JAK3: variants seen among roughly 807,000 people sequenced by gnomAD.
JAK3 encodes tyrosine-protein kinase JAK3.
In JAK3, 88 loss-of-function variants were observed where a neutral mutation model predicts 120.8. That is an observed-to-expected ratio of 0.73 (90% CI 0.61 to 0.87). JAK3 has a LOEUF of 0.87. Among genes scored for constraint, JAK3 ranks in the 40% least tolerant of loss-of-function variants. The probability of loss-of-function intolerance (pLI) is 0.00; values close to 1 mark genes in which losing one functional copy is unlikely to be tolerated. For synonymous variants in JAK3, 592 were observed against 628.6 expected (o/e 0.94, Z 0.87); for missense variants, 1,254 against 1,501.4 (o/e 0.84, Z 2.72).
chr19:17,827,717 TAAAAAAAAAAAAAAAAA>T (rs760856974), intron 23 of JAK3, among the ~76,000 whole-genome samples: 1,175 of 77,584 alleles, frequency 0.015, 16 homozygotes, highest in South Asian at 0.024. Flanking sequence ...CCATCTTAAC[TAAAAAAAAAAAAAAAAA>T]AAAAAAAAAA....
chr19:17,844,304 G>T lies in JAK3; in HGVS notation c.114C>A (p.Pro38=), dbSNP rs1448668382. The T allele has an allele frequency of 4.4e-6, 7 of 1,607,858 alleles. No homozygotes were observed. Among genetic ancestry groups the T allele is most frequent in the Admixed American group, 3.4e-5 (2 of 59,242 alleles). ...VLLPARGPGP[P]QRLSFSFGDH... The stretch of plus-strand genomic sequence containing the variant: ...CCCCAAAGGAGAAAGATAGGCGCTG[G>T]GGGGGCCCGGGGCCCCGAGCGGGCA... Residue 38 remains proline (P), a synonymous_variant, in exon 2 of 24, where the codon CCC becomes CCA. Transcript: ENST00000458235.
chr19:17,842,325 T>C lies in JAK3; in HGVS notation c.852A>G (p.Gly284=), dbSNP rs769814949. ...GGGAGTCCGCCCTCACCTCCTGTTC[T>C]CCCTGGGTCCAGGCGATGCCGCCGT... is the stretch of plus-strand genomic sequence containing the variant. ...AGDGGIAWTQ[G]EQEVLQPFCD... Residue 284 remains glycine, a synonymous_variant, in exon 6 of 24, where the codon GGA becomes GGG. Transcript: ENST00000458235. This position sits in a 1 kb window ranked among gnomAD's most constrained non-coding sequence, Gnocchi z 6.4. 7 of 1,579,914 alleles carry C rather than the reference T, an allele frequency of 4.4e-6. No individual in the cohort carries two copies. The South Asian group carries it at 7.9e-5, about 18-fold the overall frequency.
intron 23 of JAK3, among the ~76,000 whole-genome samples, chr19:17,827,717 T>TAAAAAAAAAAAAA (rs760856974): frequency 6.4e-5 from 5 of 77,690 alleles, no homozygotes; most frequent in African/African-American, 1.8e-4. Flanking sequence ...CCATCTTAAC[T>TAAAAAAAAAAAAA]AAAAAAAAAA....
chr19:17,833,671 C>T (rs1418674439), intron 17 of JAK3, among the ~76,000 whole-genome samples: 1 of 151,194 alleles, frequency 6.6e-6, no homozygotes, highest in Non-Finnish European at 1.5e-5. Context: ...GCCAACATGG[C>T]AAAACCCTGT....
In JAK3 at chr19:17,837,188, A is replaced by G; in HGVS notation, c.1727T>C (p.Met576Thr). ...GAGATGCCGGTACGACACTTGGCTC[A>G]TCAAGCTCGCTGCTTCCAGGAATGA... ...MESFLEAASL[M>T]SQVSYRHLVL... Residue 576 changes from methionine (M) to threonine (T), a missense_variant, in exon 13 of 24, where the codon ATG becomes ACG. Met to Thr is a moderately conservative substitution (Grantham distance 81). This residue lies in a region of JAK3 where 630 missense variants were observed against 819.8 expected (regional missense o/e 0.77). Transcript: ENST00000458235. 1 of 1,573,056 alleles carries G rather than the reference A, an allele frequency of 6.4e-7. No individual in the cohort carries two copies. The highest frequency in any genetic ancestry group is 8.6e-7 in the Non-Finnish European group (1 of 1,158,804).
intron 9 of JAK3, among the ~76,000 whole-genome samples, chr19:17,840,019 G>C (rs980569485): frequency 1.3e-5 from 2 of 152,298 alleles, no homozygotes; most frequent in African/African-American, 4.8e-5. Context: ...GATTACAGGC[G>C]TAAGCCACTG....
rs765423526 is a variant in JAK3 at position 17,841,603 on chromosome 19, G to C, written c.984+37C>G. On this transcript the variant is annotated intron_variant, in intron 7 of 23. Transcript: ENST00000458235. This position sits in a 1 kb window ranked among gnomAD's most constrained non-coding sequence, Gnocchi z 4.1. ...ACCCGAGGGTGCCGGTCCCGCCCTC[G>C]GGGTAAGGCTGAAGGGGAGGGGAAT... is the stretch of plus-strand genomic sequence containing the variant. 4 of 1,612,644 alleles carry C rather than the reference G, an allele frequency of 2.5e-6. No individual in the cohort carries two copies. In the South Asian group the frequency reaches 4.4e-5, roughly 18 times the overall value.
rs2147681184 is a variant in JAK3, at chr19:17,834,556, C to A, written c.2350+15G>T. 1 of 1,610,504 alleles carries A rather than the reference C, an allele frequency of 6.2e-7. No homozygotes were observed. The highest frequency in any genetic ancestry group is 1.1e-5 in the South Asian group (1 of 90,974). ...ACATCACAGCCCTCCCCACCCAACC[C>A]GTCCCAGCGGGCACCTGAAGAGATG... On this transcript the variant is annotated intron_variant, in intron 17 of 23. Coordinates refer to ENST00000458235, the MANE Select transcript of JAK3 (RefSeq NM_000215.4).
chr19:17,828,621 T>A (rs1331006371), intron 23 of JAK3, among the ~76,000 whole-genome samples: 1 of 152,042 alleles, frequency 6.6e-6, no homozygotes, highest in Non-Finnish European at 1.5e-5. Context: ...ACTCCTGGGC[T>A]CCAGTGATCC....
In JAK3 at chr19:17,831,785, C is replaced by T. The variant is rs1181690379; in HGVS notation, c.2694G>A (p.Leu898=). Residue 898 remains leucine (L), a synonymous_variant, in exon 20 of 24, where the codon CTG becomes CTA. Transcript: ENST00000458235. This position sits in a 1 kb window ranked among gnomAD's most constrained non-coding sequence, Gnocchi z 5.1. ...TGGGCAGGTACTCCATGACCAGCCGCAGGCTCTGGCGGCCTGGAGAAGGCA... is the reference window on the plus strand; with the variant it reads ...TGGGCAGGTACTCCATGACCAGCCGTAGGCTCTGGCGGCCTGGAGAAGGCA... The part of the protein sequence containing the change: ...GVSYGPGRQS[L]RLVMEYLPSG... 4 of 1,612,720 alleles carry T rather than the reference C, an allele frequency of 2.5e-6. No individual in the cohort carries two copies. In the Admixed American group the frequency reaches 6.7e-5, roughly 27 times the overall value.
In JAK3 at chr19:17,843,683, G is replaced by A. The variant is rs568733499; in HGVS notation, c.308+94C>T. 14 of 1,489,972 alleles carry A rather than the reference G, an allele frequency of 9.4e-6. No homozygotes were observed. In the African/African-American group the frequency reaches 1.5e-4, roughly 16 times the overall value. 92.3% of individuals were successfully genotyped at this position (1,489,972 alleles called of 1,614,324 possible). On this transcript the variant is annotated intron_variant, in intron 3 of 23. Transcript: ENST00000458235. The surrounding 1 kb of genome is among the most constrained non-coding windows in gnomAD (Gnocchi z 5.4). ...TTTCCTCATCTGAGAAATGGGTAGT[G>A]ACCATACCTCCCTGGGGCAGGGGTG...
At position 17,843,061 on chromosome 19, in the gene JAK3, C is replaced by T. The variant is rs759903379; in HGVS notation, c.532G>A (p.Ala178Thr). The change falls in exon 5 of 24, where the codon GCC (alanine) becomes ACC (threonine). Residue 178 changes from alanine to threonine, a missense_variant. By Grantham distance (58) the Ala-to-Thr change is moderately conservative. Transcript: ENST00000458235. This position sits in a 1 kb window ranked among gnomAD's most constrained non-coding sequence, Gnocchi z 5.4. ...LDLARMAREQ[A>T]QRPGELLKTV... ...TTCAGCAGCTCTCCCGGCCGCTGGGCCTGCTCTCGCGCCATCCGGGCCAGG... is the reference window on the plus strand; with the variant it reads ...TTCAGCAGCTCTCCCGGCCGCTGGGTCTGCTCTCGCGCCATCCGGGCCAGG... The T allele has an allele frequency of 5.0e-6, 8 of 1,610,632 alleles. No homozygotes were observed. In the Admixed American group the frequency reaches 1.0e-4, roughly 20 times the overall value.
At chr19:17,828,731 G>A (rs751351938) in intron 23 of JAK3, among the ~76,000 whole-genome samples, 6 of 152,122 alleles carry the variant, frequency 3.9e-5, no homozygotes, top group Non-Finnish European at 8.8e-5. Flanking sequence ...GGGAGGACAG[G>A]GTCTTCAGCA....
intron 13 of JAK3, 90 bp downstream of exon 13, chr19:17,837,039 G>T (rs2094225667): frequency 1.2e-6 from 1 of 826,776 alleles, no homozygotes; most frequent in Non-Finnish European, 1.9e-6. Context: ...TGTTGCTGGG[G>T]CTGTCATATA....
intron 10 of JAK3, chr19:17,839,200 G>C (rs1387064636): frequency 1.7e-6 from 1 of 588,218 alleles, no homozygotes; most frequent in Non-Finnish European, 3.2e-6. Flanking sequence ...TGTCCCATCA[G>C]AGGGGTTTGT....
At position 17,847,139 on chromosome 19, in the gene JAK3, C is replaced by T. The variant is rs1230448422; in HGVS notation, c.-14+807G>A. Among the ~76,000 whole-genome samples, 11 of 152,162 alleles carry T rather than the reference C, an allele frequency of 7.2e-5. No individual in the cohort carries two copies. In the East Asian group the frequency reaches 2.1e-3, roughly 30 times the overall value. On this transcript the variant is annotated intron_variant, in intron 1 of 23. Coordinates refer to ENST00000458235, the MANE Select transcript of JAK3 (RefSeq NM_000215.4). Reference sequence around the variant, plus strand: ...TCTCGAACTCCTGACCTCCAGTGATCCGCTGGCCTCAGCCTCCCAAAGTGT... The same window carrying T: ...TCTCGAACTCCTGACCTCCAGTGATTCGCTGGCCTCAGCCTCCCAAAGTGT...
intron 22 of JAK3, 87 bp from the exon 23 acceptor site, chr19:17,830,305 T>C: frequency 9.3e-7 from 1 of 1,076,072 alleles, no homozygotes; most frequent in Non-Finnish European, 1.4e-6. Flanking sequence ...GTAGGGGCCA[T>C]CTGTGATGGA....
chr19:17,842,308 G>GC lies in JAK3; in HGVS notation c.861+7dup, dbSNP rs773177038. On this transcript the variant is annotated splice_region_variant and intron_variant, in intron 6 of 23. Coordinates refer to ENST00000458235, the MANE Select transcript of JAK3 (RefSeq NM_000215.4). This position sits in a 1 kb window ranked among gnomAD's most constrained non-coding sequence, Gnocchi z 6.4. ...TTGGCCCCGCCCAGCGGGGGAGTCC[G>GC]CCCTCACCTCCTGTTCTCCCTGGGT... 3 of 1,389,342 alleles carry GC rather than the reference G, an allele frequency of 2.2e-6. No homozygotes were observed. The highest frequency in any genetic ancestry group is 2.9e-6 in the Non-Finnish European group (3 of 1,051,296). 86.1% of individuals were successfully genotyped at this position (1,389,342 alleles called of 1,614,324 possible).
chr19:17,846,821 G>A (rs1392323507), intron 1 of JAK3, among the ~76,000 whole-genome samples: 2 of 152,140 alleles, frequency 1.3e-5, no homozygotes, highest in Non-Finnish European at 2.9e-5. Context: ...CTGGCCTCAG[G>A]TGATTCGCCT....
Sources: allele counts gnomAD v4.1 joint callset (sites outside exome capture counted in the v4.1 genomes callset), GRCh38; gene constraint gnomAD v4.1.1; regional missense constraint gnomAD v4.1.1; non-coding constraint Gnocchi (gnomAD v3.1); transcripts MANE v1.5; gene names NCBI Gene and HGNC (gene_info 2026-07-23, HGNC 2026-07-21).